The following LRRC4C variants were observed in gnomAD, a reference collection of about 807,000 sequenced individuals.
LRRC4C encodes leucine rich repeat containing 4C.
Under a neutral mutation model 33.6 loss-of-function variants are expected in LRRC4C, and 5 were observed. The ratio of observed to expected loss-of-function variants is 0.15; its 90% CI spans 0.08 to 0.31. The LOEUF (loss-of-function observed/expected upper bound fraction) is 0.31. LRRC4C is among the 10% of genes least tolerant of loss of function. The probability of loss-of-function intolerance (pLI) is 1.00; values close to 1 mark genes in which losing one functional copy is unlikely to be tolerated. For synonymous variants in LRRC4C, 329 were observed against 302.0 expected, an observed-to-expected ratio of 1.09 and a Z score of -0.93; for missense variants, 560 against 796.7, an observed-to-expected ratio of 0.70 and a Z score of 3.58.
intron 5 of LRRC4C, among the ~76,000 whole-genome samples, chr11:40,181,012 A>G (rs998085367): frequency 2.0e-5 from 3 of 152,204 alleles, no homozygotes; most frequent in Non-Finnish European, 4.4e-5. Context: ...TTGTTCTGTC[A>G]CCAAGGTAGG....
At chr11:40,430,519 C>G (rs1444992268) in intron 3 of LRRC4C, among the ~76,000 whole-genome samples, 2 of 152,074 alleles carry the variant, frequency 1.3e-5, no homozygotes, top group African/African-American at 4.8e-5. Context: ...GTCAGACGAA[C>G]CCATTTGAAC....
chr11:41,100,129 C>T (rs143448754), intron 1 of LRRC4C, among the ~76,000 whole-genome samples: 1 of 152,092 alleles, frequency 6.6e-6, no homozygotes, highest in African/African-American at 2.4e-5. Context: ...CAAAACAAAA[C>T]AAAAATCCAC....
intron 2 of LRRC4C, among the ~76,000 whole-genome samples, chr11:40,920,626 C>T (rs1957133259): frequency 6.6e-6 from 1 of 152,064 alleles, no homozygotes; most frequent in African/African-American, 2.4e-5. Context: ...TCATGAGTGG[C>T]CAGTCTCATG....
At chr11:41,034,625 A>G (rs1436245829) in intron 1 of LRRC4C, among the ~76,000 whole-genome samples, 1 of 144,038 alleles carries the variant, frequency 6.9e-6, no homozygotes, top group Non-Finnish European at 1.5e-5. Context: ...ATATATATAT[A>G]TATATATATA....
chr11:40,443,167 T>A (rs1348311738), intron 3 of LRRC4C, among the ~76,000 whole-genome samples: 1 of 152,196 alleles, frequency 6.6e-6, no homozygotes, highest in Non-Finnish European at 1.5e-5. Context: ...TTTACTTTTA[T>A]AAATGGAGAA....
intron 1 of LRRC4C, among the ~76,000 whole-genome samples, chr11:40,981,532 C>A (rs1315807480): frequency 6.6e-6 from 1 of 152,188 alleles, no homozygotes; most frequent in African/African-American, 2.4e-5. Flanking sequence ...TAAGTGGCTT[C>A]TCAACTCTCT....
chr11:40,667,202 G>C (rs1943857136), intron 2 of LRRC4C, among the ~76,000 whole-genome samples: 1 of 152,130 alleles, frequency 6.6e-6, no homozygotes, highest in Non-Finnish European at 1.5e-5. Context: ...TATATGATAA[G>C]GGGGAAATAA....
chr11:40,208,980 T>TG (rs1863374757), intron 5 of LRRC4C, among the ~76,000 whole-genome samples: 4 of 151,654 alleles, frequency 2.6e-5, no homozygotes, highest in Admixed American at 6.6e-5. Context: ...TGTGTGTGTG[T>TG]TTCTTCCTGA....
intron 5 of LRRC4C, among the ~76,000 whole-genome samples, chr11:40,176,514 C>T (rs1381040842): frequency 6.7e-6 from 1 of 149,374 alleles, no homozygotes; most frequent in Non-Finnish European, 1.5e-5. Flanking sequence ...TAAAAGACAA[C>T]TTTATGGATT....
intron 2 of LRRC4C, among the ~76,000 whole-genome samples, chr11:40,869,156 T>C (rs1200781393): frequency 2.6e-5 from 4 of 152,138 alleles, no homozygotes; most frequent in African/African-American, 9.7e-5. Flanking sequence ...GCACATTAGC[T>C]AGGATTACCT....
intron 5 of LRRC4C, among the ~76,000 whole-genome samples, chr11:40,209,204 T>C (rs1217150930): frequency 6.6e-6 from 1 of 152,192 alleles, no homozygotes; most frequent in African/African-American, 2.4e-5. Flanking sequence ...GGGTTTATGC[T>C]TCCCCCAAGG....
At chr11:41,378,289 G>A (rs1049237070) in intron 1 of LRRC4C, among the ~76,000 whole-genome samples, 1 of 152,082 alleles carries the variant, frequency 6.6e-6, no homozygotes, top group Non-Finnish European at 1.5e-5. Flanking sequence ...GGCACAAAGT[G>A]CCAGGAGAAA....
chr11:41,253,030 C>T (rs1948691424), intron 1 of LRRC4C, among the ~76,000 whole-genome samples: 1 of 152,058 alleles, frequency 6.6e-6, no homozygotes, highest in Non-Finnish European at 1.5e-5. Context: ...TTTTAACTCA[C>T]CAAAATGTTA....
intron 3 of LRRC4C, among the ~76,000 whole-genome samples, chr11:40,414,036 A>G (rs1180981002): frequency 6.6e-6 from 1 of 152,004 alleles, no homozygotes; most frequent in East Asian, 1.9e-4. Context: ...ATCTAAACAC[A>G]TTTTTTTGAC....
chr11:40,731,128 G>A (rs1291427342), intron 2 of LRRC4C, among the ~76,000 whole-genome samples: 1 of 152,154 alleles, frequency 6.6e-6, no homozygotes, highest in African/African-American at 2.4e-5. Context: ...GACCATCCTG[G>A]CTAACATGGT....
intron 3 of LRRC4C, among the ~76,000 whole-genome samples, chr11:40,522,589 G>A (rs1287420169): frequency 1.3e-5 from 2 of 150,052 alleles, no homozygotes; most frequent in Non-Finnish European, 2.9e-5. Flanking sequence ...CAACTGAAAT[G>A]TGGCTAAGAT....
At position 40,211,592 on chromosome 11, in the gene LRRC4C, T is replaced by C. The variant is rs1233197354; in HGVS notation, c.-96+29927A>G. Among the ~76,000 whole-genome samples the C allele has an allele frequency of 2.6e-5, 4 of 152,198 alleles. No individual in the cohort carries two copies. In the East Asian group the frequency reaches 7.7e-4, roughly 29 times the overall value. On this transcript the variant is annotated intron_variant, in intron 5 of 6. Coordinates refer to ENST00000528697, the MANE Select transcript of LRRC4C (RefSeq NM_001258419.2). Reference sequence around the variant, plus strand: ...ATTGTGTCCAAAGGTCATATTTCCCTTTGCTTTAGTAAAATGGTAGGTTTG... The same window carrying C: ...ATTGTGTCCAAAGGTCATATTTCCCCTTGCTTTAGTAAAATGGTAGGTTTG...
intron 2 of LRRC4C, among the ~76,000 whole-genome samples, chr11:40,676,746 T>C (rs1944424423): frequency 6.6e-6 from 1 of 152,172 alleles, no homozygotes; most frequent in Non-Finnish European, 1.5e-5. Flanking sequence ...TTTGGATATG[T>C]TTACTTGCAC....
rs184343652 is a variant in LRRC4C at position 40,429,738 on chromosome 11, T to C, written c.-269-110017A>G. ...AGTAATCTGATCCAAATTTTAAAGA[T>C]AAGAAAAAGTTTATAGAAGAAATGG... On this transcript the variant is annotated intron_variant, in intron 3 of 6. Coordinates refer to ENST00000528697, the MANE Select transcript of LRRC4C (RefSeq NM_001258419.2). Among the ~76,000 whole-genome samples the C allele has an allele frequency of 3.9e-5, 6 of 152,254 alleles. No homozygotes were observed. The East Asian group carries it at 1.2e-3, about 29-fold the overall frequency.
Sources: allele counts gnomAD v4.1 joint callset (sites outside exome capture counted in the v4.1 genomes callset), GRCh38; gene constraint gnomAD v4.1.1; transcripts MANE v1.5; gene names NCBI Gene and HGNC (gene_info 2026-07-23, HGNC 2026-07-21).